RILP: variants seen among roughly 807,000 people sequenced by gnomAD.
RILP encodes the protein rab-interacting lysosomal protein.
RILP carries 53 observed loss-of-function variants against 40.0 expected under a neutral mutation model. The ratio of observed to expected loss-of-function variants is 1.32; its 90% CI spans 1.06 to 1.66. The LOEUF (loss-of-function observed/expected upper bound fraction) is 1.66, where lower values mean the gene tolerates loss of function less well. Among genes scored for constraint, RILP ranks in the 40% most tolerant of loss-of-function variants. The pLI, the probability that RILP is intolerant of heterozygous loss-of-function variation, is 0.00. For missense variants in RILP, 626 were observed against 551.7 expected (o/e 1.13, Z -1.35); for synonymous variants, 272 against 250.6 (o/e 1.09, Z -0.80).
At position 1,648,898 on chromosome 17, in the gene RILP, C is replaced by T; in HGVS notation, c.576G>A (p.Glu192=). The T allele has an allele frequency of 6.5e-7, 1 of 1,527,022 alleles. No homozygotes were observed. Among genetic ancestry groups the T allele is most frequent in the Non-Finnish European group, 8.7e-7 (1 of 1,144,112 alleles). The allele number at this position is 1,527,022 out of a possible 1,614,324, so 94.6% of individuals were successfully genotyped here. A position where few individuals can be genotyped will look rare whatever the true frequency, so the allele number is the denominator to read the frequency against. ...GCCGCCCGGCCTGCCCCCGCGCTCG[C>T]TCTTTAGCCTGCGGAGTCGCGGCTT... is the stretch of plus-strand genomic sequence containing the variant. ...PGEAATPQAK[E]RARGQAGRPG... is the part of the protein sequence containing the mutation. The change falls in exon 4 of 8, where the codon GAG becomes GAA. Residue 192 remains glutamate (E), a synonymous_variant. Coordinates refer to ENST00000301336, the MANE Select transcript of RILP (RefSeq NM_031430.3). The surrounding 1 kb of genome is among the most constrained non-coding windows in gnomAD (Gnocchi z 4.9).
intron 6 of RILP, among the ~76,000 whole-genome samples, chr17:1,647,449 T>C (rs1436795410): frequency 6.6e-6 from 1 of 152,132 alleles, no homozygotes; most frequent in Non-Finnish European, 1.5e-5. Flanking sequence ...CAAGGGTTTA[T>C]TTTATAGCTT....
In RILP at chr17:1,649,612, A is replaced by G. The variant is rs1910855243; in HGVS notation, c.193T>C (p.Leu65=). The stretch of plus-strand genomic sequence containing the variant: ...GCGGGCCCCACGGCAGCCTGTTCCA[A>G]GAGCTCCAGCGCCCGCACCACTAGC... ...VPLVVRALEL[L]EQAAVGPAPD... The change falls in exon 1 of 8, where the codon TTG becomes CTG. Residue 65 remains leucine, a synonymous_variant. Coordinates refer to ENST00000301336, the MANE Select transcript of RILP (RefSeq NM_031430.3). This position sits in a 1 kb window ranked among gnomAD's most constrained non-coding sequence, Gnocchi z 4.3. The G allele has an allele frequency of 1.3e-6, 2 of 1,578,568 alleles. No individual in the cohort carries two copies. The highest frequency in any genetic ancestry group is 2.7e-5 in the African/African-American group (2 of 74,342).
Position 1,649,243 on chromosome 17 carries a change from GC to G in RILP, c.385del (p.Ala129ArgfsTer26). 1 of 1,500,762 alleles carries G rather than the reference GC, an allele frequency of 6.7e-7. No individual in the cohort carries two copies. The highest frequency in any genetic ancestry group is 8.8e-7 in the Non-Finnish European group (1 of 1,132,804). The allele number at this position is 1,500,762 out of a possible 1,614,324, so 93.0% of individuals were successfully genotyped here. On this transcript the variant is annotated frameshift_variant, in exon 3 of 8. Transcript: ENST00000301336. LOFTEE classifies it high-confidence loss of function. This position sits in a 1 kb window ranked among gnomAD's most constrained non-coding sequence, Gnocchi z 4.3. ...VTDRQRDELR[A>X]HNRDLRQRGQ... ...GCGCTGCCGCAGGTCGCGGTTGTGCGCCCGGAGTTCGTCCCGCTGTCGGTCC... is the reference window on the plus strand; with the variant it reads ...GCGCTGCCGCAGGTCGCGGTTGTGCGCCGGAGTTCGTCCCGCTGTCGGTCC...
rs920469836 is a variant in RILP at position 1,649,778 on chromosome 17, C to G, written c.27G>C (p.Gly9=). Residue 9 remains glycine, a synonymous_variant, in exon 1 of 8, where the codon GGG becomes GGC. Coordinates refer to ENST00000301336, the MANE Select transcript of RILP (RefSeq NM_031430.3). This position sits in a 1 kb window ranked among gnomAD's most constrained non-coding sequence, Gnocchi z 4.3. ...CCTCCCGAGACCCCCAGCCAGGCAC[C>G]CCGGGCGCCGCCCTCCTGGGCTCCA... is the stretch of plus-strand genomic sequence containing the variant. MEPRRAAP[G]VPGWGSREAA... is the part of the protein sequence containing the mutation. 4 of 1,561,506 alleles carry G rather than the reference C, an allele frequency of 2.6e-6. No individual in the cohort carries two copies. Among genetic ancestry groups the G allele is most frequent in the Middle Eastern group, 1.8e-4 (1 of 5,606 alleles).
In RILP at chr17:1,648,699, C is replaced by T. The variant is rs1487632630; in HGVS notation, c.675+100G>A. On this transcript the variant is annotated intron_variant, in intron 4 of 7. Coordinates refer to ENST00000301336, the MANE Select transcript of RILP (RefSeq NM_031430.3). The surrounding 1 kb of genome is among the most constrained non-coding windows in gnomAD (Gnocchi z 4.9). ...GATCTGTCTGCCACCTCCCCGCTTC[C>T]TGGCCGACCTGCTGTGCAGCATGCA... 2.2e-5 allele frequency: 32 copies of T among 1,431,022 alleles called. No homozygotes were observed. The highest frequency in any genetic ancestry group is 6.4e-6 in the Non-Finnish European group (7 of 1,094,278). 88.6% of individuals were successfully genotyped at this position (1,431,022 alleles called of 1,614,324 possible). A position where few individuals can be genotyped will look rare whatever the true frequency, so the allele number is the denominator to read the frequency against.
At chr17:1,647,250 C>T (rs773800099) in intron 6 of RILP, among the ~76,000 whole-genome samples, 11 of 152,120 alleles carry the variant, frequency 7.2e-5, no homozygotes, top group Non-Finnish European at 1.6e-4. Flanking sequence ...AGCGATTCTC[C>T]TGCCGCAGCC....
rs1283930054 is a variant in RILP at position 1,648,723 on chromosome 17, C to T, written c.675+76G>A. ...CCTGGCCGACCTGCTGTGCAGCATG[C>T]AAACCTTGCTTGAGTGCCCACCGAG... On this transcript the variant is annotated intron_variant, in intron 4 of 7. Coordinates refer to ENST00000301336, the MANE Select transcript of RILP (RefSeq NM_031430.3). This position sits in a 1 kb window ranked among gnomAD's most constrained non-coding sequence, Gnocchi z 4.9. 4 of 1,438,190 alleles carry T rather than the reference C, an allele frequency of 2.8e-6. No individual in the cohort carries two copies. Among genetic ancestry groups the T allele is most frequent in the Non-Finnish European group, 3.6e-6 (4 of 1,100,098 alleles). The allele number at this position is 1,438,190 out of a possible 1,614,324, so 89.1% of individuals were successfully genotyped here.
chr17:1,649,367 C>T lies in RILP; in HGVS notation c.322+45G>A, dbSNP rs1476294473. On this transcript the variant is annotated intron_variant, in intron 2 of 7. Coordinates refer to ENST00000301336, the MANE Select transcript of RILP (RefSeq NM_031430.3). The surrounding 1 kb of genome is among the most constrained non-coding windows in gnomAD (Gnocchi z 4.3). ...GGCCCGCGGGAGGGAGGGGAGGACC[C>T]GAGCAGGTCGTCACCCGCCCTGCCC... The T allele has an allele frequency of 2.5e-5, 37 of 1,490,996 alleles. No individual in the cohort carries two copies. The highest frequency in any genetic ancestry group is 3.2e-5 in the Non-Finnish European group (36 of 1,126,040). The allele number at this position is 1,490,996 out of a possible 1,614,324, so 92.4% of individuals were successfully genotyped here.
Position 1,646,793 on chromosome 17 carries a change from G to A in RILP, c.1028+113C>T. On this transcript the variant is annotated intron_variant, in intron 7 of 7. Transcript: ENST00000301336. This position sits in a 1 kb window ranked among gnomAD's most constrained non-coding sequence, Gnocchi z 4.3. ...AGCAGGAGGGGACGGTGTGCTTAGAGCCAAGCACAGCAGGGTGACGGGCAG... is the reference window on the plus strand; with the variant it reads ...AGCAGGAGGGGACGGTGTGCTTAGAACCAAGCACAGCAGGGTGACGGGCAG... The A allele has an allele frequency of 9.4e-7, 1 of 1,064,406 alleles. No individual in the cohort carries two copies. The highest frequency in any genetic ancestry group is 1.4e-6 in the Non-Finnish European group (1 of 734,376). 65.9% of individuals were successfully genotyped at this position (1,064,406 alleles called of 1,614,324 possible). A position where few individuals can be genotyped will look rare whatever the true frequency, so the allele number is the denominator to read the frequency against.
In RILP at chr17:1,648,324, G is replaced by GC. The variant is rs778376034; in HGVS notation, c.821+25dup. ...GGAGAATGAGGTGGGGTGATCGGAG[G>GC]CCCCCCGGCTTCCCAGCGTCCTCAC... is the stretch of plus-strand genomic sequence containing the variant. On this transcript the variant is annotated intron_variant, in intron 5 of 7. Transcript: ENST00000301336. The surrounding 1 kb of genome is among the most constrained non-coding windows in gnomAD (Gnocchi z 4.9). 6.2e-6 allele frequency: 10 copies of GC among 1,608,474 alleles called. No individual in the cohort carries two copies. Among genetic ancestry groups the GC allele is most frequent in the Admixed American group, 3.4e-5 (2 of 59,210 alleles).
rs548037567 is a variant in RILP at position 1,648,221 on chromosome 17, G to A, written c.821+129C>T. 31 of 1,248,454 alleles carry A rather than the reference G, an allele frequency of 2.5e-5. No homozygotes were observed. In the African/African-American group the frequency reaches 4.0e-4, roughly 16 times the overall value. 77.3% of individuals were successfully genotyped at this position (1,248,454 alleles called of 1,614,324 possible). ...CCCTGTCTGGATGACATTGCAGGAG[G>A]GCAAGGGCTGTACAATTCATGTCCT... On this transcript the variant is annotated intron_variant, in intron 5 of 7. Transcript: ENST00000301336. The surrounding 1 kb of genome is among the most constrained non-coding windows in gnomAD (Gnocchi z 4.9).
In RILP at chr17:1,649,531, C is replaced by T. The variant is rs1210044719; in HGVS notation, c.229-26G>A. 1.2e-5 allele frequency: 18 copies of T among 1,501,902 alleles called. No individual in the cohort carries two copies. The highest frequency in any genetic ancestry group is 1.4e-5 in the African/African-American group (1 of 70,464). 93.0% of individuals were successfully genotyped at this position (1,501,902 alleles called of 1,614,324 possible). On this transcript the variant is annotated intron_variant, in intron 1 of 7. Coordinates refer to ENST00000301336, the MANE Select transcript of RILP (RefSeq NM_031430.3). The surrounding 1 kb of genome is among the most constrained non-coding windows in gnomAD (Gnocchi z 4.3). ...CTGGGGAGACCCGGGTCTCAGGCTT[C>T]GGCCCTGCCGGCCCCGTGGGTGGCG...
chr17:1,647,969 G>A lies in RILP; in HGVS notation c.822-12C>T. The A allele has an allele frequency of 6.2e-7, 1 of 1,613,534 alleles. No individual in the cohort carries two copies. Among genetic ancestry groups the A allele is most frequent in the South Asian group, 1.1e-5 (1 of 91,064 alleles). ...CTGTGAGCAGCTCCCTAAAGAAAAG[G>A]GGCAGGGAGGGAGAAAGCCCTGGTG... is the stretch of plus-strand genomic sequence containing the variant. On this transcript the variant is annotated splice_polypyrimidine_tract_variant and intron_variant, in intron 5 of 7. Transcript: ENST00000301336.
Position 1,649,322 on chromosome 17 carries a change from T to G in RILP, c.323-16A>C. On this transcript the variant is annotated splice_polypyrimidine_tract_variant and intron_variant, in intron 2 of 7. Coordinates refer to ENST00000301336, the MANE Select transcript of RILP (RefSeq NM_031430.3). The surrounding 1 kb of genome is among the most constrained non-coding windows in gnomAD (Gnocchi z 4.3). ...GCGCGCTCCTCTGAGGAAGGGGCGT[T>G]CTTAGCGGCGGCGGCGCGCGGCCCG... 1 of 1,496,872 alleles carries G rather than the reference T, an allele frequency of 6.7e-7. No individual in the cohort carries two copies. The highest frequency in any genetic ancestry group is 8.8e-7 in the Non-Finnish European group (1 of 1,130,230). 92.7% of individuals were successfully genotyped at this position (1,496,872 alleles called of 1,614,324 possible).
In RILP at chr17:1,646,643, C is replaced by T. The variant is rs530201573; in HGVS notation, c.1029-24G>A. 1 of 1,546,246 alleles carries T rather than the reference C, an allele frequency of 6.5e-7. No individual in the cohort carries two copies. The highest frequency in any genetic ancestry group is 8.7e-7 in the Non-Finnish European group (1 of 1,145,360). On this transcript the variant is annotated intron_variant, in intron 7 of 7. Coordinates refer to ENST00000301336, the MANE Select transcript of RILP (RefSeq NM_031430.3). This position sits in a 1 kb window ranked among gnomAD's most constrained non-coding sequence, Gnocchi z 4.3. ...AGCTGGAGAGAGACAGCCAGAGGCA[C>T]TTTGAGCCAGGAAGCCAGAGAGGTC...
chr17:1,647,790 G>A (rs368781120), intron 6 of RILP, 45 bp downstream of exon 6: 27 of 1,612,326 alleles, frequency 1.7e-5, no homozygotes, highest in Non-Finnish European at 1.9e-5. Context: ...TCAGCAGAAT[G>A]AGGGAGGGAG....
Position 1,647,830 on chromosome 17 carries a change from C to A in RILP, c.944+5G>T, listed in dbSNP as rs1178488362. 2.5e-6 allele frequency: 4 copies of A among 1,613,956 alleles called. No homozygotes were observed. In the South Asian group the frequency reaches 4.4e-5, roughly 18 times the overall value. On this transcript the variant is annotated splice_donor_5th_base_variant and intron_variant, in intron 6 of 7. Coordinates refer to ENST00000301336, the MANE Select transcript of RILP (RefSeq NM_031430.3). Reference sequence around the variant, plus strand: ...GGCTCCGTGGGAATGCAGGCAGGGACCTACCTGCTCTCTGCTTCCTCTGGT... The same window carrying A: ...GGCTCCGTGGGAATGCAGGCAGGGAACTACCTGCTCTCTGCTTCCTCTGGT...
chr17:1,648,662 GC>G lies in RILP; in HGVS notation c.675+136del. 7.1e-7 allele frequency: 1 copy of G among 1,402,012 alleles called. No individual in the cohort carries two copies. Among genetic ancestry groups the G allele is most frequent in the East Asian group, 2.5e-5 (1 of 39,896 alleles). The allele number at this position is 1,402,012 out of a possible 1,614,324, so 86.8% of individuals were successfully genotyped here. A position where few individuals can be genotyped will look rare whatever the true frequency, so the allele number is the denominator to read the frequency against. On this transcript the variant is annotated intron_variant, in intron 4 of 7. Transcript: ENST00000301336. This position sits in a 1 kb window ranked among gnomAD's most constrained non-coding sequence, Gnocchi z 4.9. ...CAGCTGAGAGCGGGGGCCGAGGCCG[GC>G]CGGGGGCGCAGATCTGTCTGCCACC...
Position 1,649,093 on chromosome 17 carries a change from GGAGCCC to G in RILP, c.430-55_430-50del. 2.5e-6 allele frequency: 2 copies of G among 807,028 alleles called. No individual in the cohort carries two copies. The highest frequency in any genetic ancestry group is 3.3e-6 in the Non-Finnish European group (2 of 614,056). The allele number at this position is 807,028 out of a possible 1,614,324, so 50.0% of individuals were successfully genotyped here. A position where few individuals can be genotyped will look rare whatever the true frequency, so the allele number is the denominator to read the frequency against. Reference sequence around the variant, plus strand: ...GTGGGCGGGGCACCGAGGGCCCCCCGGAGCCCCGCCCAGCGCCTGCCTCGCTCCGCC... The same window carrying G: ...GTGGGCGGGGCACCGAGGGCCCCCCGCGCCCAGCGCCTGCCTCGCTCCGCC... On this transcript the variant is annotated intron_variant, in intron 3 of 7. Coordinates refer to ENST00000301336, the MANE Select transcript of RILP (RefSeq NM_031430.3). The surrounding 1 kb of genome is among the most constrained non-coding windows in gnomAD (Gnocchi z 4.3).
Sources: allele counts gnomAD v4.1 joint callset (sites outside exome capture counted in the v4.1 genomes callset), GRCh38; gene constraint gnomAD v4.1.1; non-coding constraint Gnocchi (gnomAD v3.1); transcripts MANE v1.5; gene names NCBI Gene and HGNC (gene_info 2026-07-23, HGNC 2026-07-21).